Variants in CLEC12A observed in about 807,000 individuals in gnomAD.
The protein encoded by CLEC12A is C-type lectin domain family 12 member A.
A neutral mutation model predicts 26.5 loss-of-function variants in CLEC12A; 22 were observed. That is an observed-to-expected ratio of 0.83 (90% confidence interval 0.59 to 1.19). The LOEUF (loss-of-function observed/expected upper bound fraction) is 1.19. Ranked by LOEUF, CLEC12A falls within the 50% of genes most tolerant of loss-of-function variation. The pLI is 0.00. For missense variants in CLEC12A, 353 were observed against 315.6 expected (o/e 1.12, Z -0.90); for synonymous variants, 119 against 101.9 (o/e 1.17, Z -1.01).
Position 9,984,961 on chromosome 12 carries a change from A to C in CLEC12A, c.733A>C (p.Arg245=). The C allele has an allele frequency of 6.4e-7, 1 of 1,562,748 alleles. No homozygotes were observed. The highest frequency in any genetic ancestry group is 8.7e-7 in the Non-Finnish European group (1 of 1,151,234). Residue 245 remains arginine, a synonymous_variant, in exon 6 of 6, where the codon AGA becomes CGA. Transcript: ENST00000304361. ...ATATTATCACTGCACTTATAAAAAAAGAATGATATGTGAGAAGATGGCCAA... is the reference window on the plus strand; with the variant it reads ...ATATTATCACTGCACTTATAAAAAACGAATGATATGTGAGAAGATGGCCAA... ...VQYYHCTYKK[R]MICEKMANPV... is the part of the protein sequence containing the mutation.
In CLEC12A at chr12:9,981,789, C is replaced by G. The variant is rs546180017; in HGVS notation, c.532-231C>G. Among the ~76,000 whole-genome samples, 53 of 152,156 alleles carry G rather than the reference C, an allele frequency of 3.5e-4. 1 individual carries two copies. The South Asian group carries it at 0.01, about 29-fold the overall frequency. On this transcript the variant is annotated intron_variant, in intron 4 of 5. Transcript: ENST00000304361. ...TCACTGACTGTAAATTAAGGTTGTA[C>G]ATGGATTAGTAGGGCCTCTCTTCTT...
intron 1 of CLEC12A, among the ~76,000 whole-genome samples, chr12:9,962,438 C>T (rs974309441): frequency 2.0e-5 from 3 of 152,070 alleles, no homozygotes; most frequent in Admixed American, 6.5e-5. Context: ...TTATAACTTT[C>T]ACTCACATCC....
At chr12:10,003,750 C>A in the CLEC12A span, among the ~76,000 whole-genome samples, 1 of 151,796 alleles carries the variant, frequency 6.6e-6, no homozygotes, top group Non-Finnish European at 1.5e-5. Flanking sequence ...CCTTCCTCTA[C>A]CAAAAAAATA....
chr12:9,998,798 C>A (rs1390135069), downstream of CLEC12A, among the ~76,000 whole-genome samples: 1 of 152,114 alleles, frequency 6.6e-6, no homozygotes, highest in Non-Finnish European at 1.5e-5. Context: ...GACTTCTATG[C>A]CCTCGAGTAT....
upstream of CLEC12A, among the ~76,000 whole-genome samples, chr12:9,969,081 T>C (rs1287342151): frequency 6.6e-6 from 1 of 152,158 alleles, no homozygotes; most frequent in East Asian, 1.9e-4. Flanking sequence ...AGAATTGTGG[T>C]TACCAGAGGC....
intron 5 of CLEC12A, 32 bp from the exon 6 acceptor site, chr12:9,984,838 T>G: frequency 7.2e-7 from 1 of 1,395,136 alleles, no homozygotes; most frequent in Non-Finnish European, 9.4e-7. Flanking sequence ...ATATCTGACT[T>G]GCCAAGTGTA....
downstream of CLEC12A, among the ~76,000 whole-genome samples, chr12:9,998,616 T>C (rs1865110359): frequency 8.0e-6 from 1 of 124,274 alleles, no homozygotes; most frequent in Non-Finnish European, 1.8e-5. Flanking sequence ...GAAATATTAC[T>C]TGCTGTTAAG....
chr12:9,983,665 C>T (rs998640083), intron 5 of CLEC12A: 8 of 564,236 alleles, frequency 1.4e-5, no homozygotes, highest in African/African-American at 3.8e-5. Context: ...GCCACCACAG[C>T]GAGTTTAGGC....
intron 1 of CLEC12A, among the ~76,000 whole-genome samples, chr12:9,957,412 C>A (rs942950806): frequency 9.4e-5 from 14 of 148,886 alleles, no homozygotes; most frequent in African/African-American, 3.4e-4. Flanking sequence ...CACTTGAACT[C>A]GGGAGACAGA....
chr12:9,998,322 G>A (rs762074150), downstream of CLEC12A: 97 of 1,613,780 alleles, frequency 6.0e-5, no homozygotes, highest in South Asian at 1.9e-4. Context: ...CCATCCCCAC[G>A]CACAGGATCA....
upstream of CLEC12A, among the ~76,000 whole-genome samples, chr12:9,968,812 T>C (rs478829): frequency 0.58 from 87,519 of 152,048 alleles, 25,513 homozygotes; most frequent in South Asian, 0.72. Flanking sequence ...AGAATGAAAA[T>C]TGATATAGGT....
At chr12:9,976,480 A>G (rs1864341236) in intron 1 of CLEC12A, among the ~76,000 whole-genome samples, 1 of 152,072 alleles carries the variant, frequency 6.6e-6, no homozygotes, top group Non-Finnish European at 1.5e-5. Flanking sequence ...GTTTTGGCCA[A>G]TTTCTCCCAT....
chr12:9,993,469 A>G (rs986120670), intron 4 of CLEC12A: 9 of 604,366 alleles, frequency 1.5e-5, no homozygotes, highest in African/African-American at 1.5e-4. Flanking sequence ...CAAGATATGC[A>G]TATTTAAAAA....
In CLEC12A at chr12:9,965,911, G is replaced by T. The variant is rs564304779; in HGVS notation, c.11-5666G>T. Among the ~76,000 whole-genome samples, 4 of 152,184 alleles carry T rather than the reference G, an allele frequency of 2.6e-5. No individual in the cohort carries two copies. The South Asian group carries it at 8.3e-4, about 32-fold the overall frequency. On this transcript the variant is annotated intron_variant, in intron 1 of 6. Transcript: ENST00000355690. The stretch of plus-strand genomic sequence containing the variant: ...GAGGCAGTAGAGGTGTCCTATACTT[G>T]TGGGTTAAGGTGGGGAGATACAAGG...
chr12:9,997,004 G>A, downstream of CLEC12A: 1 of 1,613,714 alleles, frequency 6.2e-7, no homozygotes, highest in Non-Finnish European at 8.5e-7. Flanking sequence ...TGACCTTCTG[G>A]AGAAACCAAG....
At chr12:9,957,497 AAAAAAAAC>A (rs1278434414) in intron 1 of CLEC12A, among the ~76,000 whole-genome samples, 4 of 151,914 alleles carry the variant, frequency 2.6e-5, no homozygotes, top group African/African-American at 9.7e-5. Flanking sequence ...TCTCAAAAAA[AAAAAAAAC>A]AAAAAAACAA....
downstream of CLEC12A, among the ~76,000 whole-genome samples, chr12:9,988,815 G>C (rs1864828187): frequency 6.6e-6 from 1 of 152,180 alleles, no homozygotes; most frequent in South Asian, 2.1e-4. Context: ...CGATTCCTCA[G>C]GGATCTAGAA....
the CLEC12A span, among the ~76,000 whole-genome samples, chr12:10,001,975 G>C: frequency 6.6e-6 from 1 of 151,522 alleles, no homozygotes; most frequent in African/African-American, 2.4e-5. Context: ...CGCCTCCTGG[G>C]TTCACGCCGT....
chr12:9,956,640 A>C (rs909389105), intron 1 of CLEC12A, among the ~76,000 whole-genome samples: 1 of 152,254 alleles, frequency 6.6e-6, no homozygotes, highest in African/African-American at 2.4e-5. Context: ...CAATTTAAAA[A>C]AGCCTATATG....
Sources: gnomAD v4.1 joint callset for allele counts (sites outside exome capture counted in the v4.1 genomes callset) on GRCh38, gnomAD v4.1.1 for gene constraint, MANE v1.5 for transcripts, NCBI Gene and HGNC (gene_info 2026-07-23, HGNC 2026-07-21) for gene names.